DNMT3A: variants seen among roughly 807,000 people sequenced by gnomAD.
The protein encoded by DNMT3A is DNA (cytosine-5)-methyltransferase 3A.
A neutral mutation model predicts 117.6 loss-of-function variants in DNMT3A; 267 were observed. The observed-to-expected ratio is 2.27, with a 90% CI of 2.05 to 2.51. The LOEUF (loss-of-function observed/expected upper bound fraction) is 2.51, where lower values mean the gene tolerates loss of function less well. DNMT3A is among the 30% of genes most tolerant of loss of function. The pLI, the probability that DNMT3A is intolerant of heterozygous loss-of-function variation, is 0.00. For synonymous variants in DNMT3A, 432 were observed against 474.8 expected (o/e 0.91, Z 1.17); for missense variants, 1,029 against 1,260.2 (o/e 0.82, Z 2.78).
rs1374973797 is a variant in DNMT3A at position 25,230,898 on chromosome 2, G to C, written c.*3381C>G. ...GTGCTCTCAAGCTGTCAGCCATAAGGGCTCCTCTGTGCCCAGCACTCCCTC... is the reference window on the plus strand; with the variant it reads ...GTGCTCTCAAGCTGTCAGCCATAAGCGCTCCTCTGTGCCCAGCACTCCCTC... On this transcript the variant is annotated 3_prime_UTR_variant, in exon 23 of 23. Transcript: ENST00000321117. 1 of 151,202 alleles carries C rather than the reference G, an allele frequency of 6.6e-6. No individual in the cohort carries two copies. Among genetic ancestry groups the C allele is most frequent in the Non-Finnish European group, 1.5e-5 (1 of 68,052 alleles). The allele number at this position is 151,202 out of a possible 1,614,324, so 9.4% of individuals were successfully genotyped here.
intron 6 of DNMT3A, among the ~76,000 whole-genome samples, chr2:25,269,206 C>G (rs1172496061): frequency 6.6e-6 from 1 of 152,140 alleles, no homozygotes; most frequent in African/African-American, 2.4e-5. Flanking sequence ...CCTGTAATTC[C>G]AGCTACTGGG....
intron 1 of DNMT3A, among the ~76,000 whole-genome samples, chr2:25,324,365 C>T (rs1320263169): frequency 2.0e-5 from 3 of 152,168 alleles, no homozygotes; most frequent in Non-Finnish European, 4.4e-5. Flanking sequence ...GCTAGAAAGC[C>T]CCAGGGCAGG....
intron 5 of DNMT3A, 87 bp downstream of exon 5, chr2:25,275,413 C>A: frequency 7.1e-7 from 1 of 1,410,380 alleles, no homozygotes. Flanking sequence ...AGGAGGGGCC[C>A]ACCCTCCGCC....
Position 25,239,029 on chromosome 2 carries a change from A to G in DNMT3A, c.2408+101T>C, listed in dbSNP as rs1293260247. ...GGCAGAGCAGCTAGTCATTCAGCAG[A>G]GGCCGGCCAGAGAGGGCCCGGCTCA... On this transcript the variant is annotated intron_variant, in intron 20 of 22. Coordinates refer to ENST00000321117, the MANE Select transcript of DNMT3A (RefSeq NM_022552.5). 4.2e-6 allele frequency: 4 copies of G among 944,088 alleles called. No individual in the cohort carries two copies. The East Asian group carries it at 1.0e-4, about 24-fold the overall frequency. 58.5% of individuals were successfully genotyped at this position (944,088 alleles called of 1,614,324 possible).
At chr2:25,322,287 G>T (rs2034624861) in intron 1 of DNMT3A, among the ~76,000 whole-genome samples, 1 of 152,084 alleles carries the variant, frequency 6.6e-6, no homozygotes, top group South Asian at 2.1e-4. Flanking sequence ...TGCAGCCATC[G>T]GTTGCGTTTG....
At position 25,282,824 on chromosome 2, in the gene DNMT3A, A is replaced by C. The variant is rs1326876608; in HGVS notation, c.178-113T>G. 1.3e-5 allele frequency: 17 copies of C among 1,319,718 alleles called. No homozygotes were observed. The highest frequency in any genetic ancestry group is 1.7e-5 in the Non-Finnish European group (17 of 987,280). 81.8% of individuals were successfully genotyped at this position (1,319,718 alleles called of 1,614,324 possible). A position where few individuals can be genotyped will look rare whatever the true frequency, so the allele number is the denominator to read the frequency against. ...GAATGTTATGCACTTTCTGTCCAGA[A>C]ACTGTGTTCATATAAACCTTCATGC... On this transcript the variant is annotated intron_variant, in intron 3 of 22. Coordinates refer to ENST00000321117, the MANE Select transcript of DNMT3A (RefSeq NM_022552.5). This position sits in a 1 kb window ranked among gnomAD's most constrained non-coding sequence, Gnocchi z 5.2.
chr2:25,253,122 C>T (rs1426181548), intron 6 of DNMT3A, among the ~76,000 whole-genome samples: 2 of 152,162 alleles, frequency 1.3e-5, no homozygotes, highest in Non-Finnish European at 2.9e-5. Flanking sequence ...ATCGAGAAGA[C>T]CTGACTCCTC....
At chr2:25,308,116 C>T (rs1013974844) in intron 2 of DNMT3A, among the ~76,000 whole-genome samples, 1 of 152,166 alleles carries the variant, frequency 6.6e-6, no homozygotes, top group Admixed American at 6.5e-5. Flanking sequence ...TTCTCCCACG[C>T]CCCTGCAATT....
intron 2 of DNMT3A, 76 bp from the exon 3 acceptor site, chr2:25,300,319 G>A: frequency 6.6e-7 from 1 of 1,507,572 alleles, no homozygotes; most frequent in Non-Finnish European, 8.9e-7. Context: ...TCTGGGGCTG[G>A]CCCTGGCTTC....
In DNMT3A at chr2:25,252,065, C is replaced by G; in HGVS notation, c.640-3813G>C. On this transcript the variant is annotated intron_variant, in intron 6 of 22. Coordinates refer to ENST00000321117, the MANE Select transcript of DNMT3A (RefSeq NM_022552.5). The surrounding 1 kb of genome is among the most constrained non-coding windows in gnomAD (Gnocchi z 5.5). ...CTCCAGAACTCGGGCCAGGCCGGGA[C>G]GCCGCGGCTGCTGCGGGCCGGGGAG... is the stretch of plus-strand genomic sequence containing the variant. 2 of 1,256,596 alleles carry G rather than the reference C, an allele frequency of 1.6e-6. No individual in the cohort carries two copies. The highest frequency in any genetic ancestry group is 2.2e-6 in the Non-Finnish European group (2 of 920,814). The allele number at this position is 1,256,596 out of a possible 1,614,324, so 77.8% of individuals were successfully genotyped here.
chr2:25,291,439 CA>C (rs1019391024), intron 3 of DNMT3A, among the ~76,000 whole-genome samples: 36 of 152,348 alleles, frequency 2.4e-4, no homozygotes, highest in African/African-American at 7.5e-4. Context: ...CAGGAGGGGC[CA>C]GGGGGTCCCC....
chr2:25,308,968 T>TACACACACACACACAC (rs10628428), intron 2 of DNMT3A, among the ~76,000 whole-genome samples: 25 of 144,122 alleles, frequency 1.7e-4, no homozygotes, highest in South Asian at 1.1e-3. Flanking sequence ...CACAGATGCA[T>TACACACACACACACAC]ACACACACAC....
Position 25,247,588 on chromosome 2 carries a change from T to TACCACTGAG in DNMT3A, c.1008_1014+2dup. 6.2e-7 allele frequency: 1 copy of TACCACTGAG among 1,613,306 alleles called. No individual in the cohort carries two copies. Among genetic ancestry groups the TACCACTGAG allele is most frequent in the Non-Finnish European group, 8.5e-7 (1 of 1,179,786 alleles). On this transcript the variant is annotated splice_region_variant and intron_variant, in intron 8 of 22. Coordinates refer to ENST00000321117, the MANE Select transcript of DNMT3A (RefSeq NM_022552.5). The surrounding 1 kb of genome is among the most constrained non-coding windows in gnomAD (Gnocchi z 5.6). ...CAGGCTACTGCCAAACCCCACAACT[T>TACCACTGAG]ACCACTGAGAATTTGCCGTCTCCGA...
At chr2:25,255,592 G>A (rs72810052) in intron 6 of DNMT3A, among the ~76,000 whole-genome samples, 2,751 of 152,208 alleles carry the variant, frequency 0.018, 33 homozygotes, top group Non-Finnish European at 0.029. Context: ...TCCTAAGCCC[G>A]ACAAAAATAC....
Position 25,247,534 on chromosome 2 carries a change from G to T in DNMT3A, c.1014+57C>A. 1 of 1,588,392 alleles carries T rather than the reference G, an allele frequency of 6.3e-7. No individual in the cohort carries two copies. ...AGACTGCCCCCAGCCAAAACCACAG[G>T]CCCTGGGATCAAGAACCTTCCCCCA... On this transcript the variant is annotated intron_variant, in intron 8 of 22. Coordinates refer to ENST00000321117, the MANE Select transcript of DNMT3A (RefSeq NM_022552.5). The surrounding 1 kb of genome is among the most constrained non-coding windows in gnomAD (Gnocchi z 5.6).
chr2:25,300,707 AATATAATATATATAT>A lies in DNMT3A; in HGVS notation c.73-479_73-465del, dbSNP rs1203803384. Among the ~76,000 whole-genome samples the A allele has an allele frequency of 3.8e-4, 22 of 57,860 alleles. 1 individual carries two copies. Among genetic ancestry groups the A allele is most frequent in the African/African-American group, 1.3e-3 (19 of 14,498 alleles). The allele number at this position is 57,860 out of a possible 152,430, so 38.0% of individuals were successfully genotyped here. ...TAGATATATATTTATATATCTAAAT[AATATAATATATATAT>A]ATATATATATATATATATATATATA... On this transcript the variant is annotated intron_variant, in intron 2 of 22. Coordinates refer to ENST00000321117, the MANE Select transcript of DNMT3A (RefSeq NM_022552.5).
chr2:25,249,183 G>A (rs933296065), intron 6 of DNMT3A, among the ~76,000 whole-genome samples: 12 of 152,144 alleles, frequency 7.9e-5, no homozygotes, highest in Non-Finnish European at 1.2e-4. Context: ...CTTGAGCCCA[G>A]GAGTTCAAGA....
In DNMT3A at chr2:25,233,499, CA is replaced by C; in HGVS notation, c.*779del. On this transcript the variant is annotated 3_prime_UTR_variant, in exon 23 of 23. Coordinates refer to ENST00000321117, the MANE Select transcript of DNMT3A (RefSeq NM_022552.5). ...CTATCATATATATATAAACTGTAAA[CA>C]AGAGGTAACAGCGGCTTCTAGAAAC... is the stretch of plus-strand genomic sequence containing the variant. The C allele has an allele frequency of 4.3e-6, 1 of 233,342 alleles. No homozygotes were observed. Among genetic ancestry groups the C allele is most frequent in the Non-Finnish European group, 8.5e-6 (1 of 117,892 alleles). 14.5% of individuals were successfully genotyped at this position (233,342 alleles called of 1,614,324 possible).
rs1287967672 is a variant in DNMT3A, at chr2:25,313,359, TGGGGG to T, written c.72+549_72+553del. 3.4e-5 allele frequency among the ~76,000 whole-genome samples: 3 copies of T among 88,716 alleles called. No individual in the cohort carries two copies. In the East Asian group the frequency reaches 1.2e-3, roughly 34 times the overall value. 58.2% of individuals were successfully genotyped at this position (88,716 alleles called of 152,430 possible). On this transcript the variant is annotated intron_variant, in intron 2 of 22. Coordinates refer to ENST00000321117, the MANE Select transcript of DNMT3A (RefSeq NM_022552.5). Reference sequence around the variant, plus strand: ...AGCGACATTCACCTGGAGTCTGGGGTGGGGGGCGGGGACAGGAAATCACCATCTCC... The same window carrying T: ...AGCGACATTCACCTGGAGTCTGGGGTGCGGGGACAGGAAATCACCATCTCC...
Sources: gnomAD v4.1 joint callset for allele counts (sites outside exome capture counted in the v4.1 genomes callset) on GRCh38, gnomAD v4.1.1 for gene constraint, Gnocchi (gnomAD v3.1) non-coding constraint, MANE v1.5 for transcripts, NCBI Gene and HGNC (gene_info 2026-07-23, HGNC 2026-07-21) for gene names.